Variants in ITFG1 observed in about 807,000 individuals in gnomAD.
ITFG1 encodes integrin alpha FG-GAP repeat containing 1.
A neutral mutation model predicts 81.8 loss-of-function variants in ITFG1; 34 were observed. The observed-to-expected ratio is 0.42, with a 90% confidence interval of 0.32 to 0.55. The LOEUF is 0.55. Ranked by LOEUF, ITFG1 falls within the 20% of genes least tolerant of loss-of-function variation. ITFG1 has a pLI of 0.17. For synonymous variants in ITFG1, 285 were observed against 270.6 expected (o/e 1.05, Z -0.52); for missense variants, 672 against 755.4 (o/e 0.89, Z 1.29).
intron 14 of ITFG1, among the ~76,000 whole-genome samples, chr16:47,214,059 T>C (rs888188878): frequency 6.6e-6 from 1 of 152,196 alleles, no homozygotes; most frequent in Non-Finnish European, 1.5e-5. Flanking sequence ...CTGTGGGATA[T>C]GAGTCTGCCT....
intron 14 of ITFG1, among the ~76,000 whole-genome samples, chr16:47,190,260 G>A (rs1167216925): frequency 6.6e-6 from 1 of 152,066 alleles, no homozygotes; most frequent in African/African-American, 2.4e-5. Context: ...CTGGTACATG[G>A]ATAAAAGATG....
At chr16:47,363,150 C>T (rs997303611) in intron 8 of ITFG1, among the ~76,000 whole-genome samples, 8 of 152,112 alleles carry the variant, frequency 5.3e-5, no homozygotes, top group African/African-American at 1.9e-4. Context: ...CCTCCCGCCT[C>T]AGCCTCCCAA....
At chr16:47,437,843 G>C (rs1179341052) in intron 5 of ITFG1, among the ~76,000 whole-genome samples, 1 of 152,252 alleles carries the variant, frequency 6.6e-6, no homozygotes, top group Non-Finnish European at 1.5e-5. Flanking sequence ...ATGCCGGACA[G>C]TGGGTGCAGC....
intron 8 of ITFG1, chr16:47,317,732 C>A (rs12925877): frequency 6.6e-6 from 1 of 151,980 alleles, no homozygotes; most frequent in Non-Finnish European, 1.5e-5. Flanking sequence ...CCCATTGATG[C>A]CAGGGGGTGC....
At chr16:47,295,607 T>C (rs532812233) in intron 10 of ITFG1, among the ~76,000 whole-genome samples, 2 of 152,338 alleles carry the variant, frequency 1.3e-5, no homozygotes, top group South Asian at 2.1e-4. Flanking sequence ...GAGTTGTTCA[T>C]AGTATTCTCT....
chr16:47,155,715 CA>C lies in ITFG1; in HGVS notation c.*3del. ...CCATTCCATTATGTAATATTAAAGGCAAGTCACATAGCATCAAAATGAAACC... is the reference window on the plus strand; with the variant it reads ...CCATTCCATTATGTAATATTAAAGGCAGTCACATAGCATCAAAATGAAACC... On this transcript the variant is annotated 3_prime_UTR_variant, in exon 18 of 18. Coordinates refer to ENST00000320640, the MANE Select transcript of ITFG1 (RefSeq NM_030790.5). 6.3e-7 allele frequency: 1 copy of C among 1,596,638 alleles called. No individual in the cohort carries two copies. Among genetic ancestry groups the C allele is most frequent in the East Asian group, 2.3e-5 (1 of 44,154 alleles).
chr16:47,408,807 T>C (rs1316331467), intron 6 of ITFG1, among the ~76,000 whole-genome samples: 1 of 152,176 alleles, frequency 6.6e-6, no homozygotes, highest in Non-Finnish European at 1.5e-5. Context: ...GGGCAGGAGT[T>C]TGCAAGCCTT....
At chr16:47,392,957 C>T (rs940952158) in intron 6 of ITFG1, among the ~76,000 whole-genome samples, 3 of 152,162 alleles carry the variant, frequency 2.0e-5, no homozygotes, top group Admixed American at 6.5e-5. Context: ...AATCCAAGGC[C>T]ACCCCTCCAC....
chr16:47,438,737 A>G (rs934685467), intron 5 of ITFG1, among the ~76,000 whole-genome samples: 3 of 152,220 alleles, frequency 2.0e-5, no homozygotes, highest in Non-Finnish European at 4.4e-5. Context: ...GATGTGGATA[A>G]AACAGAACAG....
chr16:47,363,821 C>G (rs1482685340), intron 8 of ITFG1, among the ~76,000 whole-genome samples: 6 of 152,124 alleles, frequency 3.9e-5, no homozygotes, highest in Non-Finnish European at 8.8e-5. Context: ...CTGTTCCTTT[C>G]TAGTCTTCTC....
intron 1 of ITFG1, among the ~76,000 whole-genome samples, chr16:47,460,391 G>C (rs1567264604): frequency 6.6e-6 from 1 of 152,220 alleles, no homozygotes; most frequent in Non-Finnish European, 1.5e-5. Flanking sequence ...CCTATGAGAA[G>C]AGATTGTCAG....
At chr16:47,161,111 A>G (rs1349677713) in intron 16 of ITFG1, among the ~76,000 whole-genome samples, 3 of 152,240 alleles carry the variant, frequency 2.0e-5, no homozygotes, top group African/African-American at 4.8e-5. Context: ...AATAGAATCA[A>G]TCTAGGAATT....
At chr16:47,192,277 G>A (rs1188756506) in intron 14 of ITFG1, among the ~76,000 whole-genome samples, 1 of 152,184 alleles carries the variant, frequency 6.6e-6, no homozygotes, top group Non-Finnish European at 1.5e-5. Flanking sequence ...TTTAGTGTGA[G>A]GTTATCTAGC....
chr16:47,158,162 G>A (rs1964744642), intron 17 of ITFG1, among the ~76,000 whole-genome samples: 1 of 152,000 alleles, frequency 6.6e-6, no homozygotes, highest in Non-Finnish European at 1.5e-5. Flanking sequence ...TGGTACAATC[G>A]CAGCTCACTG....
At chr16:47,330,242 T>C (rs1331595364) in intron 8 of ITFG1, among the ~76,000 whole-genome samples, 2 of 152,096 alleles carry the variant, frequency 1.3e-5, no homozygotes, top group South Asian at 2.1e-4. Flanking sequence ...GCTAACCATA[T>C]GCAGAAGAAT....
At chr16:47,428,412 A>C (rs1159702789) in intron 6 of ITFG1, among the ~76,000 whole-genome samples, 1 of 152,204 alleles carries the variant, frequency 6.6e-6, no homozygotes, top group African/African-American at 2.4e-5. Context: ...TTCCATGATA[A>C]CAAGTTTTAA....
At position 47,448,007 on chromosome 16, in the gene ITFG1, T is replaced by A. The variant is rs531025158; in HGVS notation, c.560+3389A>T. The A allele has an allele frequency of 3.3e-5, 5 of 152,302 alleles. No individual in the cohort carries two copies. In the East Asian group the frequency reaches 7.7e-4, roughly 23 times the overall value. The allele number at this position is 152,302 out of a possible 1,614,324, so 9.4% of individuals were successfully genotyped here. ...TTGTATGGGATGAGAGGGAGGGTGCTGCCAGGGGAATCTGAAGAAAATATA... is the reference window on the plus strand; with the variant it reads ...TTGTATGGGATGAGAGGGAGGGTGCAGCCAGGGGAATCTGAAGAAAATATA... On this transcript the variant is annotated intron_variant, in intron 5 of 17. Transcript: ENST00000320640.
intron 12 of ITFG1, among the ~76,000 whole-genome samples, chr16:47,245,272 C>T (rs1340339270): frequency 2.6e-5 from 4 of 151,956 alleles, no homozygotes; most frequent in Non-Finnish European, 5.9e-5. Flanking sequence ...TCTCTTGAAC[C>T]CAGGAGGTGG....
intron 10 of ITFG1, among the ~76,000 whole-genome samples, chr16:47,272,687 C>T (rs186350596): frequency 2.3e-4 from 35 of 152,072 alleles, no homozygotes; most frequent in African/African-American, 7.7e-4. Context: ...TGAGCCATTG[C>T]GCCCAGCCTG....
Sources: allele counts gnomAD v4.1 joint callset (sites outside exome capture counted in the v4.1 genomes callset), GRCh38; gene constraint gnomAD v4.1.1; transcripts MANE v1.5; gene names NCBI Gene and HGNC (gene_info 2026-07-23, HGNC 2026-07-21).